Variants in RUNX1T1 observed in about 807,000 individuals in gnomAD.
RUNX1T1 encodes the protein RUNX1 partner transcriptional co-repressor 1.
In RUNX1T1, 4 loss-of-function variants were observed where a neutral mutation model predicts 62.8. The observed-to-expected ratio is 0.06, with a 90% CI of 0.03 to 0.15. The LOEUF is 0.15. RUNX1T1 is among the 10% of genes least tolerant of loss of function. RUNX1T1 has a pLI of 1.00. For synonymous variants in RUNX1T1, 291 were observed against 286.0 expected, an observed-to-expected ratio of 1.02 and a Z score of -0.18; for missense variants, 508 against 754.3, an observed-to-expected ratio of 0.67 and a Z score of 3.82.
chr8:92,003,306 A>G (rs1291095214), intron 5 of RUNX1T1: 3 of 455,978 alleles, frequency 6.6e-6, no homozygotes, highest in Non-Finnish European at 1.3e-5. Context: ...ACTTACCTTA[A>G]GACTGTGCAA....
intron 1 of RUNX1T1, among the ~76,000 whole-genome samples, chr8:92,060,683 A>C (rs2130579799): frequency 6.6e-6 from 1 of 151,566 alleles, no homozygotes; most frequent in East Asian, 1.9e-4. Context: ...TAAAAATATA[A>C]AACCTGCCCA....
chr8:92,101,028 A>T (rs905020243), upstream of RUNX1T1, among the ~76,000 whole-genome samples: 12 of 152,212 alleles, frequency 7.9e-5, no homozygotes, highest in Admixed American at 1.3e-4. Flanking sequence ...GAAGCTGGTC[A>T]ATTTGTATTC....
At chr8:92,030,835 C>T (rs1162735736) in intron 1 of RUNX1T1, among the ~76,000 whole-genome samples, 1 of 152,198 alleles carries the variant, frequency 6.6e-6, no homozygotes, top group Non-Finnish European at 1.5e-5. Flanking sequence ...GAACTGGCTT[C>T]AACCTGTCTG....
intron 1 of RUNX1T1, among the ~76,000 whole-genome samples, chr8:92,028,841 CA>C (rs1354780948): frequency 6.6e-6 from 1 of 152,006 alleles, no homozygotes; most frequent in Non-Finnish European, 1.5e-5. Flanking sequence ...ATTTTGTTGT[CA>C]AACTGTAGTT....
intron 9 of RUNX1T1, among the ~76,000 whole-genome samples, chr8:91,972,955 C>T (rs1018201610): frequency 3.3e-5 from 5 of 151,974 alleles, no homozygotes; most frequent in Non-Finnish European, 5.9e-5. Context: ...TTGTTACTTT[C>T]GCTTTAAAAA....
intron 9 of RUNX1T1, among the ~76,000 whole-genome samples, chr8:91,975,433 C>A (rs1275948174): frequency 1.3e-5 from 2 of 149,976 alleles, no homozygotes; most frequent in Non-Finnish European, 1.5e-5. Context: ...CGATTGTAAC[C>A]AAAAAATTAT....
intron 10 of RUNX1T1, among the ~76,000 whole-genome samples, chr8:91,970,043 T>TG (rs11374252): frequency 2.1e-5 from 3 of 142,804 alleles, no homozygotes; most frequent in East Asian, 2.1e-4. Flanking sequence ...TGTGTGTGTG[T>TG]TGTGTGTGTG....
chr8:92,027,799 T>TG (rs1442968445), intron 1 of RUNX1T1, among the ~76,000 whole-genome samples: 3 of 151,982 alleles, frequency 2.0e-5, no homozygotes, highest in African/African-American at 7.3e-5. Context: ...GATAAATCTA[T>TG]GGCAATCGAT....
At chr8:91,975,753 GTGTTT>G in intron 9 of RUNX1T1, 147 bp downstream of exon 10, 1 of 600,136 alleles carries the variant, frequency 1.7e-6, no homozygotes, top group Non-Finnish European at 3.1e-6. Context: ...TATTAATCAG[GTGTTT>G]TGTTTAGTGG....
chr8:92,030,308 A>T (rs1361759641), intron 1 of RUNX1T1, among the ~76,000 whole-genome samples: 1 of 152,156 alleles, frequency 6.6e-6, no homozygotes, highest in Non-Finnish European at 1.5e-5. Context: ...CCTGCCAGAG[A>T]GTAGTGTCCC....
intron 1 of RUNX1T1, among the ~76,000 whole-genome samples, chr8:92,055,430 G>A (rs990276596): frequency 2.0e-5 from 3 of 152,084 alleles, no homozygotes; most frequent in African/African-American, 4.8e-5. Context: ...GAGGCACTTC[G>A]CGTTTGTATT....
Position 91,986,991 on chromosome 8 carries a change from C to T in RUNX1T1, c.911-19G>A, listed in dbSNP as rs1816699120. 2.0e-6 allele frequency: 3 copies of T among 1,513,082 alleles called. No individual in the cohort carries two copies. Among genetic ancestry groups the T allele is most frequent in the Non-Finnish European group, 2.8e-6 (3 of 1,088,964 alleles). 93.7% of individuals were successfully genotyped at this position (1,513,082 alleles called of 1,614,324 possible). A position where few individuals can be genotyped will look rare whatever the true frequency, so the allele number is the denominator to read the frequency against. On this transcript the variant is annotated intron_variant, in intron 6 of 10. Coordinates refer to ENST00000396218, the Ensembl canonical transcript of RUNX1T1. ...TGCAACCCTACAAAAATAGAGAAGG[C>T]TGAATAACCCTAAAGCATTCAGTAC...
chr8:92,007,085 G>A (rs1820929394), intron 4 of RUNX1T1, among the ~76,000 whole-genome samples: 1 of 152,094 alleles, frequency 6.6e-6, no homozygotes, highest in African/African-American at 2.4e-5. Context: ...TTTGTCCTCA[G>A]TAAAGAGAGA....
chr8:91,997,172 A>G (rs1343809639), intron 5 of RUNX1T1, among the ~76,000 whole-genome samples: 9 of 152,108 alleles, frequency 5.9e-5, no homozygotes, highest in Admixed American at 5.9e-4. Context: ...TACATGAAAT[A>G]TTTTTAAGAT....
chr8:91,998,984 T>C (rs957470051), intron 5 of RUNX1T1, among the ~76,000 whole-genome samples: 1 of 152,212 alleles, frequency 6.6e-6, no homozygotes, highest in African/African-American at 2.4e-5. Flanking sequence ...ATTTGTTCAA[T>C]AGTGGTTTTT....
At chr8:91,955,620 G>A (rs895397146), downstream of RUNX1T1, 40 of 226,374 alleles carry the variant, frequency 1.8e-4, no homozygotes, top group African/African-American at 8.2e-4. Context: ...AGGGCTCCAA[G>A]TCACCCTCCC....
intron 1 of RUNX1T1, among the ~76,000 whole-genome samples, chr8:92,085,897 C>T (rs775438572): frequency 2.8e-4 from 42 of 152,164 alleles, no homozygotes; most frequent in South Asian, 1.9e-3. Flanking sequence ...AAAACAACTC[C>T]TCCATTTAAA....
chr8:92,017,716 T>G lies in RUNX1T1; in HGVS notation c.8-353A>C, dbSNP rs1823292311. The G allele has an allele frequency of 3.8e-6, 4 of 1,062,892 alleles. No homozygotes were observed. The African/African-American group carries it at 4.9e-5, about 13-fold the overall frequency. The allele number at this position is 1,062,892 out of a possible 1,614,324, so 65.8% of individuals were successfully genotyped here. A position where few individuals can be genotyped will look rare whatever the true frequency, so the allele number is the denominator to read the frequency against. On this transcript the variant is annotated intron_variant, in intron 1 of 10. Coordinates refer to ENST00000396218, the Ensembl canonical transcript of RUNX1T1. Reference sequence around the variant, plus strand: ...AATAGATGAGGAAGTGGGATGATAATGAACCCCTCATGACAGCTCAGAAAT... The same window carrying G: ...AATAGATGAGGAAGTGGGATGATAAGGAACCCCTCATGACAGCTCAGAAAT...
At chr8:91,989,943 A>G (rs995373190) in intron 6 of RUNX1T1, among the ~76,000 whole-genome samples, 4 of 152,212 alleles carry the variant, frequency 2.6e-5, no homozygotes, top group African/African-American at 9.6e-5. Context: ...CACACTATAT[A>G]AACGTAGAAA....
Sources: allele counts gnomAD v4.1 joint callset (sites outside exome capture counted in the v4.1 genomes callset), GRCh38; gene constraint gnomAD v4.1.1; transcripts MANE v1.5; gene names NCBI Gene and HGNC (gene_info 2026-07-23, HGNC 2026-07-21).